The following MEP1A variants were observed in gnomAD, a reference collection of about 807,000 sequenced individuals.
MEP1A encodes the protein N-benzoyl-L-tyrosyl-P-amino-benzoic acid hydrolase subunit alpha.
Under a neutral mutation model 84.5 loss-of-function variants are expected in MEP1A, and 68 were observed. That is an observed-to-expected ratio of 0.80 (90% CI 0.66 to 0.98). The LOEUF is 0.98. Ranked by LOEUF, MEP1A falls within the 50% of genes least tolerant of loss-of-function variation. The probability of loss-of-function intolerance (pLI) is 0.00; values close to 1 mark genes in which losing one functional copy is unlikely to be tolerated. For missense variants in MEP1A, 887 were observed against 919.9 expected (o/e 0.96, Z 0.46); for synonymous variants, 337 against 336.8 (o/e 1.00, Z -0.01).
rs139598232 is a variant in MEP1A at position 46,839,106 on chromosome 6, C to T, written c.2211C>T (p.Ile737=). The part of the protein sequence containing the change: ...AGVIFLTFSI[I]AILSQRPRK ...TGATCTTCTTGACCTTCTCCATCAT[C>T]GCCATCCTTTCCCAAAGGCCAAGGA... Residue 737 remains isoleucine, a synonymous_variant, in exon 14 of 14, where the codon ATC becomes ATT. Transcript: ENST00000230588. The T allele has an allele frequency of 6.2e-5, 100 of 1,612,842 alleles. No homozygotes were observed. Among genetic ancestry groups the T allele is most frequent in the Admixed American group, 2.2e-4 (13 of 60,000 alleles).
At position 46,794,400 on chromosome 6, in the gene MEP1A, T is replaced by G. The variant is rs148389262; in HGVS notation, c.145+684T>G. ...TTTTATATGCAATTGCATATTTATTTGTCCAGTCTTGTCGTGGAGTAAGTG... is the reference window on the plus strand; with the variant it reads ...TTTTATATGCAATTGCATATTTATTGGTCCAGTCTTGTCGTGGAGTAAGTG... On this transcript the variant is annotated intron_variant, in intron 3 of 13. Coordinates refer to ENST00000230588, the MANE Select transcript of MEP1A (RefSeq NM_005588.3). Among the ~76,000 whole-genome samples the G allele has an allele frequency of 7.2e-5, 11 of 152,372 alleles. No homozygotes were observed. In the East Asian group the frequency reaches 1.9e-3, roughly 27 times the overall value.
chr6:46,845,542 C>T, the MEP1A span, among the ~76,000 whole-genome samples: 3 of 152,312 alleles, frequency 2.0e-5, no homozygotes, highest in African/African-American at 7.2e-5. Flanking sequence ...TTCTACAGGG[C>T]CAGCATATGG....
At chr6:46,842,658 T>C (rs1392566267), downstream of MEP1A, among the ~76,000 whole-genome samples, 3 of 152,154 alleles carry the variant, frequency 2.0e-5, no homozygotes, top group Non-Finnish European at 4.4e-5. Flanking sequence ...AATTCTAATT[T>C]TGCCTTTGCC....
At chr6:46,797,125 G>C (rs142263519) in intron 3 of MEP1A, among the ~76,000 whole-genome samples, 1 of 152,258 alleles carries the variant, frequency 6.6e-6, no homozygotes, top group Admixed American at 6.5e-5. Context: ...ACACCTCCTT[G>C]GTGTCCTATG....
downstream of MEP1A, among the ~76,000 whole-genome samples, chr6:46,842,961 A>G (rs1768359910): frequency 6.6e-6 from 1 of 152,102 alleles, no homozygotes; most frequent in Admixed American, 6.6e-5. Flanking sequence ...TAGCCATCCA[A>G]CCTGTTTTGT....
downstream of MEP1A, among the ~76,000 whole-genome samples, chr6:46,840,194 T>C (rs1768308151): frequency 6.6e-6 from 1 of 152,184 alleles, no homozygotes; most frequent in Non-Finnish European, 1.5e-5. Context: ...TAAAATGCAC[T>C]GGAAACAAAA....
chr6:46,825,057 T>TATATTTAAATA (rs1767900705), intron 7 of MEP1A, among the ~76,000 whole-genome samples: 1 of 83,582 alleles, frequency 1.2e-5, no homozygotes, highest in Non-Finnish European at 2.9e-5. Context: ...TTATAAATTA[T>TATATTTAAATA]GTATTTAAAT....
At chr6:46,806,917 C>T (rs1767338986) in intron 5 of MEP1A, among the ~76,000 whole-genome samples, 1 of 151,962 alleles carries the variant, frequency 6.6e-6, no homozygotes, top group Non-Finnish European at 1.5e-5. Flanking sequence ...ATGAAATTTT[C>T]CTTCTTTTAA....
chr6:46,845,759 G>C, the MEP1A span, among the ~76,000 whole-genome samples: 4 of 152,088 alleles, frequency 2.6e-5, no homozygotes, highest in African/African-American at 9.7e-5. Flanking sequence ...TGAGAACACT[G>C]TTTGGGCCCT....
intron 3 of MEP1A, among the ~76,000 whole-genome samples, chr6:46,795,574 C>T (rs1767033248): frequency 6.6e-6 from 1 of 152,170 alleles, no homozygotes; most frequent in South Asian, 2.1e-4. Context: ...GCTGAGATTA[C>T]AGGCATGAGC....
chr6:46,814,505 C>T (rs1767585786), intron 6 of MEP1A, among the ~76,000 whole-genome samples: 2 of 152,022 alleles, frequency 1.3e-5, no homozygotes, highest in African/African-American at 4.8e-5. Context: ...CTGGTGCCTC[C>T]TTGATTGGCT....
chr6:46,835,524 A>T lies in MEP1A; in HGVS notation c.2059A>T (p.Asn687Tyr). The change falls in exon 13 of 14, where the codon AAC (asparagine) becomes TAC (tyrosine). Residue 687 changes from asparagine (N) to tyrosine (Y), a missense_variant. By Grantham distance (143) the Asn-to-Tyr change is moderately radical. Coordinates refer to ENST00000230588, the MANE Select transcript of MEP1A (RefSeq NM_005588.3). ...NPCQNDGICVNVKGMASCRCI... is the reference protein window; with the variant it reads ...NPCQNDGICVYVKGMASCRCI... The stretch of plus-strand genomic sequence containing the variant: ...TTGCCAAAATGACGGCATCTGTGTG[A>T]ACGTGAAGGGGATGGCGAGCTGCAG... 6.2e-7 allele frequency: 1 copy of T among 1,613,652 alleles called. No homozygotes were observed. Among genetic ancestry groups the T allele is most frequent in the Non-Finnish European group, 8.5e-7 (1 of 1,179,800 alleles).
intron 10 of MEP1A, 108 bp downstream of exon 10, chr6:46,829,679 C>G (rs1489375911): frequency 1.3e-6 from 1 of 773,132 alleles, no homozygotes; most frequent in Non-Finnish European, 2.2e-6. Context: ...CTCTCCTCCT[C>G]CTTTTCCTCC....
chr6:46,825,841 C>A (rs561869397), intron 8 of MEP1A, among the ~76,000 whole-genome samples: 2 of 152,226 alleles, frequency 1.3e-5, no homozygotes, highest in South Asian at 4.2e-4. Context: ...GCTTCTTTTG[C>A]TTCTTTTGGA....
chr6:46,831,793 C>T (rs577079045), intron 10 of MEP1A, among the ~76,000 whole-genome samples: 6 of 152,330 alleles, frequency 3.9e-5, no homozygotes, highest in Admixed American at 3.9e-4. Context: ...CTTTCTGGCA[C>T]CTATTACCCT....
In MEP1A at chr6:46,795,425, C is replaced by T. The variant is rs150727960; in HGVS notation, c.145+1709C>T. Among the ~76,000 whole-genome samples the T allele has an allele frequency of 9.9e-3, 1,501 of 152,076 alleles. 26 individuals are homozygous for T. Among genetic ancestry groups the T allele is most frequent in the African/African-American group, 0.035 (1,434 of 41,502 alleles). On this transcript the variant is annotated intron_variant, in intron 3 of 13. Transcript: ENST00000230588. ...AAGCGAGTCTCCTGCCTCAGCCTCC[C>T]GAGTAGCTGGGATTATAGGTGCCCA...
At chr6:46,835,212 A>C in intron 12 of MEP1A, 37 bp from the exon 13 acceptor site, 1 of 1,524,924 alleles carries the variant, frequency 6.6e-7, no homozygotes, top group Non-Finnish European at 8.8e-7. Context: ...TCAGTTACTA[A>C]TCCTGGATCT....
rs748063486 is a variant in MEP1A, at chr6:46,833,219, C to A, written c.1290C>A (p.Pro430=). 2 of 1,613,182 alleles carry A rather than the reference C, an allele frequency of 1.2e-6. No individual in the cohort carries two copies. Among genetic ancestry groups the A allele is most frequent in the Non-Finnish European group, 1.7e-6 (2 of 1,179,484 alleles). Residue 430 remains proline, a synonymous_variant, in exon 11 of 14, where the codon CCC becomes CCA. Coordinates refer to ENST00000230588, the MANE Select transcript of MEP1A (RefSeq NM_005588.3). ...ATGACATCACTCTGACAGAAACCCC[C>A]TGCCCCACAGGGGTCTGGACAGTCC... ...YLDDITLTET[P]CPTGVWTVRN... is the part of the protein sequence containing the mutation.
At chr6:46,828,250 T>TTC (rs397842327) in intron 9 of MEP1A, among the ~76,000 whole-genome samples, 4 of 151,460 alleles carry the variant, frequency 2.6e-5, no homozygotes, top group Admixed American at 6.6e-5. Context: ...TTTTTTTTTT[T>TTC]CTAACCCAGG....
Sources: allele counts gnomAD v4.1 joint callset (sites outside exome capture counted in the v4.1 genomes callset), GRCh38; gene constraint gnomAD v4.1.1; transcripts MANE v1.5; gene names NCBI Gene and HGNC (gene_info 2026-07-23, HGNC 2026-07-21).